Variants in FGGY observed in about 807,000 individuals in gnomAD.
The protein encoded by FGGY is FGGY carbohydrate kinase domain-containing protein.
FGGY carries 72 observed loss-of-function variants against 71.3 expected under a neutral mutation model. That is an observed-to-expected ratio of 1.01 (90% confidence interval 0.84 to 1.23). FGGY has a LOEUF of 1.23. FGGY is among the 50% of genes most tolerant of loss of function. The probability of loss-of-function intolerance (pLI) is 0.00; values close to 1 mark genes in which losing one functional copy is unlikely to be tolerated. For synonymous variants in FGGY, 251 were observed against 250.3 expected (o/e 1.00, Z -0.02); for missense variants, 668 against 682.3 (o/e 0.98, Z 0.23).
intron 6 of FGGY, among the ~76,000 whole-genome samples, chr1:59,511,201 A>G (rs187260352): frequency 4.6e-5 from 7 of 152,182 alleles, no homozygotes; most frequent in African/African-American, 1.7e-4. Flanking sequence ...CATTTAGAGG[A>G]GGTTGGTTAA....
chr1:59,638,488 C>A, intron 11 of FGGY, 113 bp downstream of exon 11: 1 of 1,295,890 alleles, frequency 7.7e-7, no homozygotes, highest in East Asian at 2.3e-5. Flanking sequence ...GGCCAACAGC[C>A]CTCTGGCTTT....
chr1:59,549,514 A>G (rs1250865348), intron 7 of FGGY, among the ~76,000 whole-genome samples: 1 of 152,198 alleles, frequency 6.6e-6, no homozygotes, highest in Non-Finnish European at 1.5e-5. Context: ...CCTTTCTGAA[A>G]TTCAATTTCT....
At chr1:59,516,225 A>T (rs1200297442) in intron 7 of FGGY, among the ~76,000 whole-genome samples, 1 of 152,082 alleles carries the variant, frequency 6.6e-6, no homozygotes, top group Non-Finnish European at 1.5e-5. Context: ...CCCTATTAGG[A>T]TGTGGAGGTG....
intron 14 of FGGY, among the ~76,000 whole-genome samples, chr1:59,744,000 T>G (rs2098172317): frequency 6.6e-6 from 1 of 152,244 alleles, no homozygotes; most frequent in East Asian, 1.9e-4. Context: ...ATAGTATCAC[T>G]CAAGAGAACA....
intron 7 of FGGY, among the ~76,000 whole-genome samples, chr1:59,539,259 G>T (rs1026264317): frequency 2.6e-5 from 4 of 152,164 alleles, no homozygotes; most frequent in African/African-American, 2.4e-5. Context: ...TGTGTAAGAG[G>T]ATGGAAATTG....
intron 2 of FGGY, among the ~76,000 whole-genome samples, chr1:59,335,487 G>C (rs2049308398): frequency 6.6e-6 from 1 of 152,100 alleles, no homozygotes; most frequent in Non-Finnish European, 1.5e-5. Flanking sequence ...TTCAGCTTGG[G>C]AATATCAATA....
intron 1 of FGGY, among the ~76,000 whole-genome samples, chr1:59,306,179 C>G (rs2043410357): frequency 6.6e-6 from 1 of 152,036 alleles, no homozygotes. Flanking sequence ...GTTCCTGTCA[C>G]TACATCTTGG....
intron 8 of FGGY, among the ~76,000 whole-genome samples, chr1:59,585,470 G>T (rs79520362): frequency 0.18 from 26,729 of 152,056 alleles, 2,833 homozygotes; most frequent in South Asian, 0.35. Context: ...TAGCCATATG[G>T]AGAAAGCTGA....
At chr1:59,605,991 A>T (rs954659843) in intron 8 of FGGY, among the ~76,000 whole-genome samples, 10 of 152,148 alleles carry the variant, frequency 6.6e-5, no homozygotes, top group Non-Finnish European at 1.5e-4. Flanking sequence ...GTGACCATAA[A>T]TGTGACTTCA....
chr1:59,739,562 C>T (rs2098131145), intron 14 of FGGY, among the ~76,000 whole-genome samples: 1 of 152,186 alleles, frequency 6.6e-6, no homozygotes, highest in African/African-American at 2.4e-5. Context: ...TCCAGCTAAA[C>T]AGACCTGTCT....
chr1:59,325,844 A>G (rs947448925), intron 2 of FGGY, among the ~76,000 whole-genome samples: 2 of 152,164 alleles, frequency 1.3e-5, no homozygotes, highest in African/African-American at 4.8e-5. Context: ...CAAGACCAGA[A>G]CCCTGGTGAG....
At chr1:59,733,465 T>TTTTC (rs200103076) in intron 14 of FGGY, among the ~76,000 whole-genome samples, 46 of 144,424 alleles carry the variant, frequency 3.2e-4, no homozygotes, top group Admixed American at 3.1e-3. Context: ...TGTTTTGTTT[T>TTTTC]TTTGTTTTGT....
chr1:59,515,501 T>G (rs977442154), intron 7 of FGGY, among the ~76,000 whole-genome samples: 1 of 152,022 alleles, frequency 6.6e-6, no homozygotes, highest in African/African-American at 2.4e-5. Context: ...GGACCTGAGA[T>G]TGGGAGGGGC....
intron 5 of FGGY, among the ~76,000 whole-genome samples, chr1:59,454,930 A>G (rs552076091): frequency 1.3e-5 from 2 of 152,356 alleles, no homozygotes; most frequent in South Asian, 4.1e-4. Context: ...GAGTGACTGA[A>G]TGAGATACAT....
intron 6 of FGGY, among the ~76,000 whole-genome samples, chr1:59,476,565 G>A (rs944544162): frequency 2.0e-5 from 3 of 152,240 alleles, no homozygotes; most frequent in African/African-American, 7.2e-5. Context: ...GATGCCTGAA[G>A]TCACATGTTT....
intron 8 of FGGY, among the ~76,000 whole-genome samples, chr1:59,579,218 C>T (rs760750294): frequency 2.0e-4 from 30 of 152,092 alleles, no homozygotes; most frequent in Non-Finnish European, 3.7e-4. Flanking sequence ...TCTTTGGTCC[C>T]ATTGTCTAAT....
At chr1:59,740,992 T>G (rs529715642) in intron 14 of FGGY, among the ~76,000 whole-genome samples, 1 of 152,328 alleles carries the variant, frequency 6.6e-6, no homozygotes, top group East Asian at 1.9e-4. Context: ...ATATTTGGGG[T>G]ATAATAGGTT....
intron 8 of FGGY, among the ~76,000 whole-genome samples, chr1:59,566,091 C>T (rs1302982460): frequency 6.6e-6 from 1 of 151,908 alleles, no homozygotes; most frequent in African/African-American, 2.4e-5. Context: ...TTCCTATTTA[C>T]CACACATCTG....
At chr1:59,395,379 G>A (rs189167523) in intron 5 of FGGY, among the ~76,000 whole-genome samples, 5 of 152,140 alleles carry the variant, frequency 3.3e-5, no homozygotes, top group African/African-American at 1.2e-4. Flanking sequence ...TGTTTTTAAT[G>A]CCTGATTGAT....
Sources: gnomAD v4.1 joint callset for allele counts (sites outside exome capture counted in the v4.1 genomes callset) on GRCh38, gnomAD v4.1.1 for gene constraint, MANE v1.5 for transcripts, NCBI Gene and HGNC (gene_info 2026-07-23, HGNC 2026-07-21) for gene names.